FNIP2: variants seen among roughly 807,000 people sequenced by gnomAD.
FNIP2 encodes folliculin-interacting protein 2.
Under a neutral mutation model 108.7 loss-of-function variants are expected in FNIP2, and 32 were observed. The observed-to-expected ratio is 0.29, with a 90% CI of 0.22 to 0.40. The LOEUF is 0.40. Ranked by LOEUF, FNIP2 falls within the 10% of genes least tolerant of loss-of-function variation. FNIP2 has a pLI of 1.00. For synonymous variants in FNIP2, 480 were observed against 496.7 expected (o/e 0.97, Z 0.45); for missense variants, 1,202 against 1,381.6 (o/e 0.87, Z 2.06).
rs1021404812 is a variant in FNIP2, at chr4:158,907,728, GGA to G, written c.*3188_*3189del. On this transcript the variant is annotated 3_prime_UTR_variant, in exon 17 of 17. Coordinates refer to ENST00000264433, the MANE Select transcript of FNIP2 (RefSeq NM_020840.3). The stretch of plus-strand genomic sequence containing the variant: ...CCATTTGTTTTTTATTGTGCTTGGG[GGA>G]GAGGGTATTTTAATATAATTTTTGC... 3 of 152,158 alleles carry G rather than the reference GGA, an allele frequency of 2.0e-5. No homozygotes were observed. The highest frequency in any genetic ancestry group is 2.9e-5 in the Non-Finnish European group (2 of 68,024). The allele number at this position is 152,158 out of a possible 1,614,324, so 9.4% of individuals were successfully genotyped here. A position where few individuals can be genotyped will look rare whatever the true frequency, so the allele number is the denominator to read the frequency against.
chr4:158,859,092 C>A lies in FNIP2; in HGVS notation c.893C>A (p.Thr298Asn), dbSNP rs2276938. Residue 298 changes from threonine to asparagine, a missense_variant, in exon 9 of 17, where the codon ACC (threonine) becomes AAC (asparagine). Coordinates refer to ENST00000264433, the MANE Select transcript of FNIP2 (RefSeq NM_020840.3). Reference protein sequence around the residue: ...TDETFSLAEETCSSNPAMVRR... With the variant: ...TDETFSLAEENCSSNPAMVRR... ...GAGACATTCAGCTTGGCTGAAGAAA[C>A]CTGTAGCTCTAATCCAGCTATGGTT... The A allele has an allele frequency of 6.2e-7, 1 of 1,613,928 alleles. No homozygotes were observed. Among genetic ancestry groups the A allele is most frequent in the Non-Finnish European group, 8.5e-7 (1 of 1,179,862 alleles).
chr4:158,895,523 A>T (rs1052292391), intron 15 of FNIP2, among the ~76,000 whole-genome samples: 1 of 152,262 alleles, frequency 6.6e-6, no homozygotes, highest in Non-Finnish European at 1.5e-5. Flanking sequence ...CTAGAATAAT[A>T]CATATGTAAA....
intron 7 of FNIP2, among the ~76,000 whole-genome samples, chr4:158,850,919 C>T (rs1779662829): frequency 6.6e-6 from 1 of 151,974 alleles, no homozygotes; most frequent in South Asian, 2.1e-4. Context: ...CTTGCTACAT[C>T]TGTGACTCTT....
At chr4:158,855,995 A>C (rs1024881975) in intron 8 of FNIP2, among the ~76,000 whole-genome samples, 1 of 152,194 alleles carries the variant, frequency 6.6e-6, no homozygotes, top group African/African-American at 2.4e-5. Flanking sequence ...TATAAAATAG[A>C]ATGAATGTTT....
intron 12 of FNIP2, among the ~76,000 whole-genome samples, chr4:158,862,321 A>G (rs1321917922): frequency 3.9e-5 from 6 of 152,220 alleles, no homozygotes; most frequent in African/African-American, 1.4e-4. Flanking sequence ...ACACATAGTC[A>G]TTAGATTCTC....
intron 6 of FNIP2, chr4:158,834,429 G>A (rs1778681888): frequency 6.6e-6 from 1 of 151,844 alleles, no homozygotes. Context: ...TTAAACATGT[G>A]AGGAACCTCC....
chr4:158,888,593 C>T (rs1401373085), intron 14 of FNIP2, among the ~76,000 whole-genome samples: 1 of 152,164 alleles, frequency 6.6e-6, no homozygotes, highest in Non-Finnish European at 1.5e-5. Context: ...CAGATTCTGC[C>T]TCTTTGCTCC....
chr4:158,893,404 G>A (rs1782414366), intron 15 of FNIP2: 2 of 300,956 alleles, frequency 6.6e-6, no homozygotes, highest in Non-Finnish European at 1.2e-5. Context: ...TTATATTAGA[G>A]AATGAATGTA....
chr4:158,847,958 T>A (rs555551947), intron 7 of FNIP2, among the ~76,000 whole-genome samples: 1 of 152,314 alleles, frequency 6.6e-6, no homozygotes, highest in East Asian at 1.9e-4. Flanking sequence ...GTCTTGTGGC[T>A]TGGGTGCCAG....
rs189809691 is a variant in FNIP2 at position 158,866,416 on chromosome 4, C to T, written c.1466-1686C>T. Among the ~76,000 whole-genome samples, 245 of 149,972 alleles carry T rather than the reference C, an allele frequency of 1.6e-3. 2 individuals are homozygous for T. The highest frequency in any genetic ancestry group is 0.013 in the South Asian group (63 of 4,696). ...TATTTTGGGTAGAGACGGGGTTTCA[C>T]CCTGTTGGCCAGGCTGGTCTCGAAC... On this transcript the variant is annotated intron_variant, in intron 12 of 16. Transcript: ENST00000264433.
At chr4:158,893,356 T>C (rs1406363230) in intron 15 of FNIP2, 2 of 210,844 alleles carry the variant, frequency 9.5e-6, no homozygotes, top group Non-Finnish European at 1.9e-5. Flanking sequence ...TCTGCAAAGC[T>C]GGGGAAATAA....
Position 158,831,845 on chromosome 4 carries a change from G to C in FNIP2, c.382-16G>C. Reference sequence around the variant, plus strand: ...TGTTCCATGTACTAACTTTGATTTTGTTTTCTTGCATGTAGTACACAAGAC... The same window carrying C: ...TGTTCCATGTACTAACTTTGATTTTCTTTTCTTGCATGTAGTACACAAGAC... On this transcript the variant is annotated splice_polypyrimidine_tract_variant and intron_variant, in intron 3 of 16. Transcript: ENST00000264433. The C allele has an allele frequency of 6.4e-7, 1 of 1,572,828 alleles. No individual in the cohort carries two copies. The highest frequency in any genetic ancestry group is 1.3e-5 in the African/African-American group (1 of 74,222).
intron 14 of FNIP2, among the ~76,000 whole-genome samples, chr4:158,879,385 A>G (rs958443656): frequency 6.6e-6 from 1 of 150,762 alleles, no homozygotes; most frequent in African/African-American, 2.5e-5. Flanking sequence ...CGTGCGCACA[A>G]GGCGGCTGTG....
intron 1 of FNIP2, among the ~76,000 whole-genome samples, chr4:158,773,185 T>C (rs1056126300): frequency 6.6e-6 from 1 of 152,244 alleles, no homozygotes; most frequent in Admixed American, 6.5e-5. Flanking sequence ...GCAGTTTTGA[T>C]TTCTTTTGAC....
At position 158,831,870 on chromosome 4, in the gene FNIP2, C is replaced by T; in HGVS notation, c.391C>T (p.Pro131Ser). ...EQLPKYQYTR[P>S]ASDVNMLGEM... ...GTTTTCTTGCATGTAGTACACAAGA[C>T]CAGCTTCCGATGTCAACATGTTAGG... The change falls in exon 4 of 17, where the codon CCA (proline) becomes TCA (serine). Residue 131 changes from proline to serine, a missense_variant. Physicochemically the swap from Pro to Ser is moderately conservative, Grantham distance 74 (BLOSUM62 -1). This residue lies in a region of FNIP2 where 173 missense variants were observed against 165.9 expected (regional missense o/e 1.04). Transcript: ENST00000264433. 1 of 1,610,512 alleles carries T rather than the reference C, an allele frequency of 6.2e-7. No homozygotes were observed.
chr4:158,776,023 T>A (rs1437561050), intron 1 of FNIP2, among the ~76,000 whole-genome samples: 1 of 152,242 alleles, frequency 6.6e-6, no homozygotes, highest in African/African-American at 2.4e-5. Flanking sequence ...GATGATTTTA[T>A]TACCACACCT....
At chr4:158,877,645 G>A (rs746611410) in intron 14 of FNIP2, among the ~76,000 whole-genome samples, 23 of 152,342 alleles carry the variant, frequency 1.5e-4, no homozygotes, top group African/African-American at 4.8e-4. Flanking sequence ...GAGATAACTC[G>A]TGTCACCTGA....
At chr4:158,883,463 G>T (rs913080660) in intron 14 of FNIP2, among the ~76,000 whole-genome samples, 1 of 152,100 alleles carries the variant, frequency 6.6e-6, no homozygotes, top group Non-Finnish European at 1.5e-5. Flanking sequence ...GGATGGTCTC[G>T]ATCTCCTGAC....
At position 158,834,084 on chromosome 4, in the gene FNIP2, G is replaced by A. The variant is rs147667288; in HGVS notation, c.655+456G>A. The A allele has an allele frequency of 2.8e-3, 786 of 282,764 alleles. 4 individuals are homozygous for A. The highest frequency in any genetic ancestry group is 4.9e-3 in the Admixed American group (96 of 19,706). The allele number at this position is 282,764 out of a possible 1,614,324, so 17.5% of individuals were successfully genotyped here. A position where few individuals can be genotyped will look rare whatever the true frequency, so the allele number is the denominator to read the frequency against. Reference sequence around the variant, plus strand: ...ATGAACCTCTCTTGTAAATGTCTTCGCTAATACTCTAGTGTAAGCTGATTT... The same window carrying A: ...ATGAACCTCTCTTGTAAATGTCTTCACTAATACTCTAGTGTAAGCTGATTT... On this transcript the variant is annotated intron_variant, in intron 6 of 16. Coordinates refer to ENST00000264433, the MANE Select transcript of FNIP2 (RefSeq NM_020840.3).
Sources: allele counts gnomAD v4.1 joint callset (sites outside exome capture counted in the v4.1 genomes callset), GRCh38; gene constraint gnomAD v4.1.1; regional missense constraint gnomAD v4.1.1; transcripts MANE v1.5; gene names NCBI Gene and HGNC (gene_info 2026-07-23, HGNC 2026-07-21).